The following TAF5L variants were observed in gnomAD, a reference collection of about 807,000 sequenced individuals.
TAF5L encodes the protein TAF5-like RNA polymerase II p300/CBP-associated factor-associated factor 65 kDa subunit 5L.
A neutral mutation model predicts 51.3 loss-of-function variants in TAF5L; 7 were observed. The ratio of observed to expected loss-of-function variants is 0.14; its 90% CI spans 0.08 to 0.26. The LOEUF is 0.26. TAF5L is among the 10% of genes least tolerant of loss of function. The pLI, the probability that TAF5L is intolerant of heterozygous loss-of-function variation, is 1.00. For synonymous variants in TAF5L, 291 were observed against 308.1 expected, an observed-to-expected ratio of 0.94 and a Z score of 0.58; for missense variants, 575 against 758.9, an observed-to-expected ratio of 0.76 and a Z score of 2.85.
intron 3 of TAF5L, among the ~76,000 whole-genome samples, chr1:229,608,354 G>A (rs755300633): frequency 1.7e-4 from 26 of 151,936 alleles, no homozygotes; most frequent in African/African-American, 2.4e-4. Flanking sequence ...TTACAAAAAC[G>A]AAAAATCATG....
At chr1:229,599,851 T>G (rs1266137461) in intron 4 of TAF5L, 7 of 985,336 alleles carry the variant, frequency 7.1e-6, no homozygotes, top group Admixed American at 1.2e-4. Flanking sequence ...AAATACTGTA[T>G]TCACTGATTT....
chr1:229,600,157 CAACT>C, intron 4 of TAF5L: 1 of 985,252 alleles, frequency 1.0e-6, no homozygotes. Context: ...CATTAAACAC[CAACT>C]ATCGTAACTA....
At chr1:229,614,608 G>C (rs1358306277) in intron 1 of TAF5L, 123 bp from the exon 2 acceptor site, 6 of 1,261,714 alleles carry the variant, frequency 4.8e-6, no homozygotes, top group Non-Finnish European at 5.5e-6. Flanking sequence ...TGGCTAAGTG[G>C]CCTAGTTAAG....
At position 229,594,221 on chromosome 1, in the gene TAF5L, C is replaced by CA; in HGVS notation, c.*75dup. ...GGGGGCTCTTTCACAGTCAATGATTCAATCTCAGCTCATTGAAGGATTGCA... is the reference window on the plus strand; with the variant it reads ...GGGGGCTCTTTCACAGTCAATGATTCAAATCTCAGCTCATTGAAGGATTGCA... On this transcript the variant is annotated 3_prime_UTR_variant, in exon 5 of 5. Transcript: ENST00000258281. This position sits in a 1 kb window ranked among gnomAD's most constrained non-coding sequence, Gnocchi z 7.9. 9.7e-6 allele frequency: 14 copies of CA among 1,444,002 alleles called. No individual in the cohort carries two copies. The highest frequency in any genetic ancestry group is 1.3e-5 in the Non-Finnish European group (14 of 1,065,058). The allele number at this position is 1,444,002 out of a possible 1,614,324, so 89.4% of individuals were successfully genotyped here. A position where few individuals can be genotyped will look rare whatever the true frequency, so the allele number is the denominator to read the frequency against.
At chr1:229,601,857 A>C (rs1664387697) in intron 4 of TAF5L, 1 of 1,060,954 alleles carries the variant, frequency 9.4e-7, no homozygotes, top group Admixed American at 4.9e-5. Context: ...TACCTGAGCA[A>C]ATGTGCACAC....
At chr1:229,620,700 G>A (rs1163010101) in intron 1 of TAF5L, among the ~76,000 whole-genome samples, 1 of 152,140 alleles carries the variant, frequency 6.6e-6, no homozygotes, top group African/African-American at 2.4e-5. Context: ...CAGAAAAACT[G>A]CTTTTCTATA....
At chr1:229,606,944 CCTTT>C (rs983105321) in intron 3 of TAF5L, 22 of 985,302 alleles carry the variant, frequency 2.2e-5, no homozygotes, top group Admixed American at 1.2e-4. Flanking sequence ...CTAGTATCTT[CCTTT>C]GAGATTTTAT....
intron 2 of TAF5L, among the ~76,000 whole-genome samples, chr1:229,612,601 T>A (rs778793493): frequency 1.3e-5 from 2 of 152,174 alleles, no homozygotes; most frequent in South Asian, 2.1e-4. Context: ...AACCCTGAAA[T>A]ACGTGATGGC....
At chr1:229,610,283 G>A (rs140671648) in intron 2 of TAF5L, 73 bp from the exon 3 acceptor site, 2 of 1,355,604 alleles carry the variant, frequency 1.5e-6, no homozygotes, top group African/African-American at 2.9e-5. Flanking sequence ...GTGGCAGGAT[G>A]GGTGAAGGAG....
chr1:229,605,128 A>ATATATATATATATATATATTTTT (rs1340196774), intron 3 of TAF5L, among the ~76,000 whole-genome samples: 1 of 145,098 alleles, frequency 6.9e-6, no homozygotes, highest in African/African-American at 2.6e-5. Context: ...ATATATATGT[A>ATATATATATATATATATATTTTT]TTTTTTTTTT....
intron 1 of TAF5L, among the ~76,000 whole-genome samples, chr1:229,615,513 G>GT (rs1664947966): frequency 1.3e-5 from 2 of 151,870 alleles, no homozygotes; most frequent in Non-Finnish European, 2.9e-5. Context: ...ATAAATTCCT[G>GT]TAAGAAAGGA....
At chr1:229,606,540 T>C in intron 3 of TAF5L, 5 of 985,434 alleles carry the variant, frequency 5.1e-6, no homozygotes, top group Non-Finnish European at 6.0e-6. Flanking sequence ...CTCATTCTCC[T>C]CTACCTTTCT....
chr1:229,623,777 A>G (rs890430558), intron 1 of TAF5L, among the ~76,000 whole-genome samples: 2 of 152,228 alleles, frequency 1.3e-5, no homozygotes, highest in African/African-American at 4.8e-5. Context: ...CGTTCTTCAG[A>G]TGGGAAAGCT....
rs3085931 is a variant in TAF5L, at chr1:229,605,108, G to GTATA, written c.248-2193_248-2190dup. 1.0e-3 allele frequency among the ~76,000 whole-genome samples: 123 copies of GTATA among 118,672 alleles called. 5 individuals are homozygous for GTATA. The highest frequency in any genetic ancestry group is 3.4e-3 in the Admixed American group (42 of 12,278). 77.9% of individuals were successfully genotyped at this position (118,672 alleles called of 152,430 possible). ...CACCACGCTCAGCTAATTTTTGTAT[G>GTATA]TATATATATATATATATGTATTTTT... On this transcript the variant is annotated intron_variant, in intron 3 of 4. Transcript: ENST00000258281.
In TAF5L at chr1:229,602,048, T is replaced by C. The variant is rs930535915; in HGVS notation, c.972+147A>G. On this transcript the variant is annotated intron_variant, in intron 4 of 4. Transcript: ENST00000258281. The surrounding 1 kb of genome is among the most constrained non-coding windows in gnomAD (Gnocchi z 4.6). ...AGGTTAGGCATGTGCAGGAATTCAA[T>C]GGCTACAGGTAACATGTCATTAGTC... is the stretch of plus-strand genomic sequence containing the variant. The C allele has an allele frequency of 6.8e-6, 10 of 1,478,646 alleles. No homozygotes were observed. Among genetic ancestry groups the C allele is most frequent in the East Asian group, 4.7e-5 (2 of 42,694 alleles). 91.6% of individuals were successfully genotyped at this position (1,478,646 alleles called of 1,614,324 possible). A position where few individuals can be genotyped will look rare whatever the true frequency, so the allele number is the denominator to read the frequency against.
At position 229,602,364 on chromosome 1, in the gene TAF5L, T is replaced by C; in HGVS notation, c.803A>G (p.Glu268Gly). ...GATTTCTGCAGTGTTCAACAGCTGCTCTGTGTTATAGAAGGCATAGAAGCA... is the reference window on the plus strand; with the variant it reads ...GATTTCTGCAGTGTTCAACAGCTGCCCTGTGTTATAGAAGGCATAGAAGCA... The change falls in exon 4 of 5, where the codon GAG (glutamate) becomes GGG (glycine). Residue 268 changes from glutamate (E) to glycine (G), a missense_variant. Coordinates refer to ENST00000258281, the Ensembl canonical transcript of TAF5L. The surrounding 1 kb of genome is among the most constrained non-coding windows in gnomAD (Gnocchi z 4.6). 1 of 1,614,140 alleles carries C rather than the reference T, an allele frequency of 6.2e-7. No individual in the cohort carries two copies. The highest frequency in any genetic ancestry group is 8.5e-7 in the Non-Finnish European group (1 of 1,180,028).
At chr1:229,609,055 T>C (rs958084382) in intron 3 of TAF5L, among the ~76,000 whole-genome samples, 1 of 152,178 alleles carries the variant, frequency 6.6e-6, no homozygotes, top group Non-Finnish European at 1.5e-5. Context: ...GTCTCCTTCA[T>C]TCGTTCAGCC....
chr1:229,612,135 C>G (rs1316547932), intron 2 of TAF5L, among the ~76,000 whole-genome samples: 1 of 152,190 alleles, frequency 6.6e-6, no homozygotes, highest in Non-Finnish European at 1.5e-5. Flanking sequence ...CAGATGTTCA[C>G]TAAATGTCTG....
chr1:229,594,438 G>A lies in TAF5L; in HGVS notation c.1629C>T (p.Tyr543=), dbSNP rs1664041328. The A allele has an allele frequency of 1.9e-6, 3 of 1,614,104 alleles. No homozygotes were observed. The highest frequency in any genetic ancestry group is 2.5e-6 in the Non-Finnish European group (3 of 1,180,048). Reference sequence around the variant, plus strand: ...AGGAGCCGTCGGCAGGTGCACTGCAGTAAGTGTTCCTGATGTCCCAGACGC... The same window carrying A: ...AGGAGCCGTCGGCAGGTGCACTGCAATAAGTGTTCCTGATGTCCCAGACGC... Residue 543 remains tyrosine (Y), a synonymous_variant, in exon 5 of 5, where the codon TAC becomes TAT. Coordinates refer to ENST00000258281, the Ensembl canonical transcript of TAF5L. This position sits in a 1 kb window ranked among gnomAD's most constrained non-coding sequence, Gnocchi z 7.9.
Sources: allele counts gnomAD v4.1 joint callset (sites outside exome capture counted in the v4.1 genomes callset), GRCh38; gene constraint gnomAD v4.1.1; non-coding constraint Gnocchi (gnomAD v3.1); transcripts MANE v1.5; gene names NCBI Gene and HGNC (gene_info 2026-07-23, HGNC 2026-07-21).